The following ANO10 variants were observed in gnomAD, a reference collection of about 807,000 sequenced individuals.
The protein encoded by ANO10 is anoctamin-10.
Under a neutral mutation model 74.7 loss-of-function variants are expected in ANO10, and 77 were observed. The observed-to-expected ratio is 1.03, with a 90% confidence interval of 0.86 to 1.25. ANO10 has a LOEUF of 1.25. Among genes scored for constraint, ANO10 ranks in the 50% most tolerant of loss-of-function variants. ANO10 has a pLI of 0.00. For synonymous variants in ANO10, 279 were observed against 284.9 expected (o/e 0.98, Z 0.21); for missense variants, 721 against 778.1 (o/e 0.93, Z 0.87).
At chr3:43,476,546 T>C (rs1007477262) in intron 11 of ANO10, among the ~76,000 whole-genome samples, 4 of 152,354 alleles carry the variant, frequency 2.6e-5, no homozygotes, top group Non-Finnish European at 4.4e-5. Flanking sequence ...TAAAAACTTC[T>C]CAACACCTGT....
At chr3:43,643,166 G>A (rs1015070532) in intron 1 of ANO10, among the ~76,000 whole-genome samples, 1 of 151,564 alleles carries the variant, frequency 6.6e-6, no homozygotes, top group Non-Finnish European at 1.5e-5. Flanking sequence ...CGAGTAGCTG[G>A]GACTACAGGC....
chr3:43,667,064 C>T (rs2084000267), intron 1 of ANO10, among the ~76,000 whole-genome samples: 1 of 125,980 alleles, frequency 7.9e-6, no homozygotes, highest in Middle Eastern at 4.1e-3. Flanking sequence ...CATTAAAATA[C>T]AATGCATGTT....
intron 11 of ANO10, among the ~76,000 whole-genome samples, chr3:43,505,721 G>C (rs1443979705): frequency 6.6e-6 from 1 of 152,196 alleles, no homozygotes; most frequent in Non-Finnish European, 1.5e-5. Flanking sequence ...CTGTCAGCCA[G>C]TGGGTTTGAA....
chr3:43,670,655 T>C (rs1334891939), intron 1 of ANO10, among the ~76,000 whole-genome samples: 2 of 152,166 alleles, frequency 1.3e-5, no homozygotes, highest in Admixed American at 1.3e-4. Context: ...AATTTACTAG[T>C]CATAGCATTA....
intron 12 of ANO10, among the ~76,000 whole-genome samples, chr3:43,367,233 G>A (rs1334555757): frequency 1.3e-5 from 2 of 152,180 alleles, no homozygotes; most frequent in Non-Finnish European, 2.9e-5. Flanking sequence ...AGCAGCTGGC[G>A]TCTCCTCCTC....
At chr3:43,519,333 T>A (rs2077848901) in intron 11 of ANO10, among the ~76,000 whole-genome samples, 1 of 152,170 alleles carries the variant, frequency 6.6e-6, no homozygotes, top group South Asian at 2.1e-4. Context: ...GCACATTACA[T>A]ACAATTAGAT....
intron 11 of ANO10, among the ~76,000 whole-genome samples, chr3:43,496,655 G>C (rs139664933): frequency 6.6e-6 from 1 of 151,892 alleles, no homozygotes; most frequent in Non-Finnish European, 1.5e-5. Context: ...ACAAGGTTTC[G>C]TCATGTTGCC....
rs2082424499 is a variant in ANO10, at chr3:43,603,462, TC to T, written c.139+2251del. ...CTAATAATTTTACTGAGTGCTTTTT[TC>T]CTAAAGGATTTTTATAATATCCTAT... On this transcript the variant is annotated intron_variant, in intron 2 of 12. Transcript: ENST00000292246. Among the ~76,000 whole-genome samples the T allele has an allele frequency of 2.0e-5, 3 of 152,318 alleles. No individual in the cohort carries two copies. In the South Asian group the frequency reaches 6.2e-4, roughly 32 times the overall value.
intron 11 of ANO10, among the ~76,000 whole-genome samples, chr3:43,442,216 G>T (rs1049479712): frequency 1.3e-5 from 2 of 151,860 alleles, no homozygotes; most frequent in Admixed American, 6.6e-5. Flanking sequence ...ATCCAAATTG[G>T]AAAGTAGTAA....
intron 4 of ANO10, among the ~76,000 whole-genome samples, chr3:43,585,932 A>G (rs1011839165): frequency 6.6e-6 from 1 of 152,244 alleles, no homozygotes; most frequent in African/African-American, 2.4e-5. Context: ...AAAGGAAACA[A>G]GAAACATAAA....
chr3:43,651,433 A>G (rs935807420), intron 1 of ANO10, among the ~76,000 whole-genome samples: 3 of 152,230 alleles, frequency 2.0e-5, no homozygotes, highest in African/African-American at 7.2e-5. Context: ...TCTACACAGT[A>G]TTGAAAGGGA....
At chr3:43,566,348 C>T (rs1301264749) in intron 7 of ANO10, among the ~76,000 whole-genome samples, 2 of 152,256 alleles carry the variant, frequency 1.3e-5, no homozygotes, top group East Asian at 1.9e-4. Context: ...CTGAAGGAGG[C>T]CTGCCTGCCT....
intron 11 of ANO10, among the ~76,000 whole-genome samples, chr3:43,501,301 T>A (rs1218046458): frequency 1.3e-5 from 2 of 152,006 alleles, no homozygotes; most frequent in Non-Finnish European, 2.9e-5. Context: ...GAGTGGGAAA[T>A]CATTCGTTAG....
chr3:43,601,122 CATA>C (rs1458968768), intron 2 of ANO10, among the ~76,000 whole-genome samples: 1 of 152,074 alleles, frequency 6.6e-6, no homozygotes, highest in Non-Finnish European at 1.5e-5. Context: ...AGTTACCAAA[CATA>C]AAGAGATATC....
intron 11 of ANO10, among the ~76,000 whole-genome samples, chr3:43,442,680 G>T (rs2093178063): frequency 6.6e-6 from 1 of 152,110 alleles, no homozygotes; most frequent in Non-Finnish European, 1.5e-5. Flanking sequence ...CTCCAACAGG[G>T]TCAGCAAACT....
rs1228817258 is a variant in ANO10 at position 43,525,741 on chromosome 3, T to A, written c.1797+23979A>T. On this transcript the variant is annotated intron_variant, in intron 11 of 12. Coordinates refer to ENST00000292246, the MANE Select transcript of ANO10 (RefSeq NM_018075.5). ...TGCAAGTGGTGGTGAAGGGAGCTGA[T>A]GCATTTTCAAAGAGCGGTGGCCCAG... Among the ~76,000 whole-genome samples the A allele has an allele frequency of 2.6e-5, 4 of 152,366 alleles. No individual in the cohort carries two copies. In the East Asian group the frequency reaches 7.7e-4, roughly 29 times the overall value.
chr3:43,552,766 G>C (rs1005672685), intron 10 of ANO10, among the ~76,000 whole-genome samples: 1 of 145,832 alleles, frequency 6.9e-6, no homozygotes, highest in South Asian at 2.2e-4. Flanking sequence ...ATGTATGTAT[G>C]TATATGTGTG....
At chr3:43,558,332 T>A (rs2079862461) in intron 9 of ANO10, among the ~76,000 whole-genome samples, 1 of 152,066 alleles carries the variant, frequency 6.6e-6, no homozygotes, top group South Asian at 2.1e-4. Flanking sequence ...GGAATAGTCG[T>A]CATGAAAATT....
chr3:43,389,660 T>C lies in ANO10; in HGVS notation c.1915-22686A>G, dbSNP rs116137766. ...GTATGTAGCAAAGCACATGGATAAATGCTCTTACTTATGTAAACCTGATTA... is the reference window on the plus strand; with the variant it reads ...GTATGTAGCAAAGCACATGGATAAACGCTCTTACTTATGTAAACCTGATTA... On this transcript the variant is annotated intron_variant, in intron 12 of 12. Transcript: ENST00000292246. Among the ~76,000 whole-genome samples, 380 of 152,316 alleles carry C rather than the reference T, an allele frequency of 2.5e-3. 2 individuals are homozygous for C. Among genetic ancestry groups the C allele is most frequent in the African/African-American group, 8.7e-3 (363 of 41,568 alleles).
Sources: gnomAD v4.1 joint callset for allele counts (sites outside exome capture counted in the v4.1 genomes callset) on GRCh38, gnomAD v4.1.1 for gene constraint, MANE v1.5 for transcripts, NCBI Gene and HGNC (gene_info 2026-07-23, HGNC 2026-07-21) for gene names.